RFX3: variants seen among roughly 807,000 people sequenced by gnomAD.
RFX3 encodes the protein regulatory factor X3, also known as transcription factor RFX3.
In RFX3, 14 loss-of-function variants were observed where a neutral mutation model predicts 98.6. That is an observed-to-expected ratio of 0.14 (90% CI 0.09 to 0.22). The LOEUF is 0.22. Among genes scored for constraint, RFX3 ranks in the 10% least tolerant of loss-of-function variants. RFX3 has a pLI of 1.00. For missense variants in RFX3, 639 were observed against 926.9 expected (o/e 0.69, Z 4.03); for synonymous variants, 383 against 328.4 (o/e 1.17, Z -1.80).
chr9:3,338,909 G>C (rs1245273772), intron 3 of RFX3, among the ~76,000 whole-genome samples: 1 of 152,210 alleles, frequency 6.6e-6, no homozygotes, highest in South Asian at 2.1e-4. Flanking sequence ...CCAATATGAA[G>C]AAACCCTGTC....
At chr9:3,476,380 G>A (rs888085618) in intron 1 of RFX3, among the ~76,000 whole-genome samples, 39 of 152,162 alleles carry the variant, frequency 2.6e-4, no homozygotes, top group African/African-American at 6.3e-4. Context: ...AGTGCCAAGA[G>A]AGGATCATCA....
chr9:3,329,608 A>G (rs1203899686), intron 4 of RFX3, among the ~76,000 whole-genome samples: 2 of 152,178 alleles, frequency 1.3e-5, no homozygotes, highest in Non-Finnish European at 2.9e-5. Context: ...ATGCAACACG[A>G]ATTTACATAT....
At chr9:3,315,261 C>G (rs569573685) in intron 4 of RFX3, among the ~76,000 whole-genome samples, 104 of 149,960 alleles carry the variant, frequency 6.9e-4, no homozygotes, top group African/African-American at 2.5e-3. Context: ...GAACAACCTG[C>G]TCCTGAATGA....
intron 1 of RFX3, among the ~76,000 whole-genome samples, chr9:3,399,948 C>CA (rs61409115): frequency 0.057 from 5,459 of 95,620 alleles, 159 homozygotes; most frequent in African/African-American, 0.12. Flanking sequence ...GACTCCGTCT[C>CA]AAAAAAAAAA....
At chr9:3,436,204 C>G (rs951609518) in intron 1 of RFX3, among the ~76,000 whole-genome samples, 1 of 152,000 alleles carries the variant, frequency 6.6e-6, no homozygotes, top group African/African-American at 2.4e-5. Context: ...CTTCATGAAG[C>G]CAAGTTGTTC....
At chr9:3,456,202 A>G (rs1847138059) in intron 1 of RFX3, among the ~76,000 whole-genome samples, 3 of 152,228 alleles carry the variant, frequency 2.0e-5, no homozygotes, top group Non-Finnish European at 4.4e-5. Flanking sequence ...TTAAGTTTCT[A>G]CATCTCACTT....
At chr9:3,240,795 A>G (rs2130853413) in intron 15 of RFX3, among the ~76,000 whole-genome samples, 1 of 152,324 alleles carries the variant, frequency 6.6e-6, no homozygotes, top group South Asian at 2.1e-4. Context: ...AAACCACCAT[A>G]AAGACAGTGT....
At chr9:3,339,748 A>C (rs2131035077) in intron 3 of RFX3, among the ~76,000 whole-genome samples, 1 of 152,290 alleles carries the variant, frequency 6.6e-6, no homozygotes, top group South Asian at 2.1e-4. Context: ...AAATGAAATA[A>C]AAGAGGATAC....
In RFX3 at chr9:3,423,785, A is replaced by ATATATATC. The variant is rs1357264451; in HGVS notation, c.-8-28190_-8-28189insGATATATA. On this transcript the variant is annotated intron_variant, in intron 1 of 16. Coordinates refer to ENST00000617270, the MANE Select transcript of RFX3 (RefSeq NM_001282116.2). ...TTATGTATTATATATTTTCATATAT[A>ATATATATC]TATATATATATATATATATATATAT... 1.5e-4 allele frequency among the ~76,000 whole-genome samples: 16 copies of ATATATATC among 109,926 alleles called. 1 individual carries two copies. The highest frequency in any genetic ancestry group is 9.1e-4 in the African/African-American group (16 of 17,606). The allele number at this position is 109,926 out of a possible 152,430, so 72.1% of individuals were successfully genotyped here.
At chr9:3,306,622 G>T in intron 4 of RFX3, among the ~76,000 whole-genome samples, 1 of 116,446 alleles carries the variant, frequency 8.6e-6, no homozygotes, top group African/African-American at 3.1e-5. Context: ...AGGGGGGAGG[G>T]ATACCATTAG....
In RFX3 at chr9:3,278,586, G is replaced by T. The variant is rs117012584; in HGVS notation, c.852-1125C>A. On this transcript the variant is annotated intron_variant, in intron 7 of 16. Transcript: ENST00000617270. ...TAACAATGACCCTAATATGTGAACA[G>T]GACATACTCAAAGATGCCTGCATGC... 2.8e-4 allele frequency among the ~76,000 whole-genome samples: 42 copies of T among 151,812 alleles called. No homozygotes were observed. The East Asian group carries it at 7.7e-3, about 28-fold the overall frequency.
intron 1 of RFX3, among the ~76,000 whole-genome samples, chr9:3,406,423 T>C (rs1258053222): frequency 2.0e-5 from 3 of 152,004 alleles, no homozygotes; most frequent in Non-Finnish European, 4.4e-5. Context: ...TCTTAACAAG[T>C]CCGAATCTAG....
chr9:3,371,304 C>T (rs7851558), intron 2 of RFX3, among the ~76,000 whole-genome samples: 45,965 of 152,078 alleles, frequency 0.3, 11,058 homozygotes, highest in African/African-American at 0.67. Flanking sequence ...TAAAATCATG[C>T]AACCAATTCC....
intron 1 of RFX3, among the ~76,000 whole-genome samples, chr9:3,475,324 C>T (rs573999697): frequency 6.2e-4 from 94 of 151,246 alleles, no homozygotes; most frequent in Non-Finnish European, 1.2e-3. Flanking sequence ...CAGCTGGGCC[C>T]GGGGGACCGC....
At chr9:3,384,591 C>T (rs1168097691) in intron 2 of RFX3, among the ~76,000 whole-genome samples, 1 of 152,182 alleles carries the variant, frequency 6.6e-6, no homozygotes, top group Admixed American at 6.6e-5. Context: ...ATAAGATGCT[C>T]AGTAGATTGT....
chr9:3,227,439 T>G (rs961391851), intron 16 of RFX3, among the ~76,000 whole-genome samples: 7 of 152,214 alleles, frequency 4.6e-5, no homozygotes, highest in African/African-American at 1.7e-4. Context: ...CTGTAGACAT[T>G]TTATGCTTCT....
rs112308606 is a variant in RFX3 at position 3,227,705 on chromosome 9, C to T, written c.2011+1142G>A. Among the ~76,000 whole-genome samples, 1,156 of 152,246 alleles carry T rather than the reference C, an allele frequency of 7.6e-3. 4 individuals are homozygous for T. Among genetic ancestry groups the T allele is most frequent in the Non-Finnish European group, 1.0e-2 (679 of 68,014 alleles). On this transcript the variant is annotated intron_variant, in intron 16 of 16. Coordinates refer to ENST00000617270, the MANE Select transcript of RFX3 (RefSeq NM_001282116.2). ...CATCAGTGTTGCTTTATGTGGGACA[C>T]GGATATCAATTACCACCTTTCTTGC...
chr9:3,256,339 C>CT (rs200534632), intron 14 of RFX3, among the ~76,000 whole-genome samples: 105,177 of 144,428 alleles, frequency 0.73, 40,216 homozygotes, highest in East Asian at 0.88. Context: ...GGATTTGTTT[C>CT]TTTTTTTTTT....
At chr9:3,497,537 T>G (rs538577993) in intron 1 of RFX3, among the ~76,000 whole-genome samples, 3 of 151,930 alleles carry the variant, frequency 2.0e-5, no homozygotes, top group Non-Finnish European at 4.4e-5. Context: ...GGTGAAGTCA[T>G]GCTGATCTCT....
Sources: gnomAD v4.1 joint callset for allele counts (sites outside exome capture counted in the v4.1 genomes callset) on GRCh38, gnomAD v4.1.1 for gene constraint, MANE v1.5 for transcripts, NCBI Gene and HGNC (gene_info 2026-07-23, HGNC 2026-07-21) for gene names.